IL1RAPL2: variants seen among roughly 807,000 people sequenced by gnomAD.
IL1RAPL2 encodes the protein X-linked interleukin-1 receptor accessory protein-like 2.
A neutral mutation model predicts 44.1 loss-of-function variants in IL1RAPL2; 3 were observed. The observed-to-expected ratio is 0.07, with a 90% confidence interval of 0.03 to 0.18. The LOEUF (loss-of-function observed/expected upper bound fraction) is 0.18, where lower values mean the gene tolerates loss of function less well. Ranked by LOEUF, IL1RAPL2 falls within the 10% of genes least tolerant of loss-of-function variation. The pLI is 1.00. For synonymous variants in IL1RAPL2, 181 were observed against 178.8 expected (o/e 1.01, Z -0.10); for missense variants, 391 against 496.4 (o/e 0.79, Z 2.02).
At position 105,115,524 on chromosome X, in the gene IL1RAPL2, C is replaced by T. The variant is rs193298327; in HGVS notation, c.83-79951C>T. 7.7e-3 allele frequency among the ~76,000 whole-genome samples: 859 copies of T among 111,811 alleles called. 9 individuals carry two copies. Among genetic ancestry groups the T allele is most frequent in the African/African-American group, 0.026 (814 of 30,758 alleles). Reference sequence around the variant, plus strand: ...ACTAGATTAGCTAGATACAGAGTGTCGATTGGTGTATTTACAAACCCTGAG... The same window carrying T: ...ACTAGATTAGCTAGATACAGAGTGTTGATTGGTGTATTTACAAACCCTGAG... On this transcript the variant is annotated intron_variant, in intron 2 of 10. Coordinates refer to ENST00000372582, the MANE Select transcript of IL1RAPL2 (RefSeq NM_017416.2).
chrX:104,575,656 A>C (rs1928231191), intron 1 of IL1RAPL2, among the ~76,000 whole-genome samples: 1 of 112,006 alleles, frequency 8.9e-6, no homozygotes, highest in Non-Finnish European at 1.9e-5. Flanking sequence ...CTATCGGTAC[A>C]GGGAATGGTC....
intron 2 of IL1RAPL2, among the ~76,000 whole-genome samples, chrX:105,145,376 C>T (rs781153259): frequency 8.9e-6 from 1 of 111,757 alleles, no homozygotes; most frequent in Non-Finnish European, 1.9e-5. Context: ...CCTACTTCTT[C>T]CTTCCCCTGT....
intron 5 of IL1RAPL2, among the ~76,000 whole-genome samples, chrX:105,467,837 T>C (rs946175035): frequency 6.3e-5 from 7 of 111,118 alleles, no homozygotes; most frequent in Non-Finnish European, 1.3e-4. Context: ...GAAAGAAAAA[T>C]ATAGAGCAAG....
intron 2 of IL1RAPL2, among the ~76,000 whole-genome samples, chrX:104,994,483 C>T (rs1285024367): frequency 9.0e-6 from 1 of 111,698 alleles, no homozygotes; most frequent in Non-Finnish European, 1.9e-5. Flanking sequence ...ACCCATTGAA[C>T]TATATACTTA....
chrX:105,030,691 C>A (rs1285495442), intron 2 of IL1RAPL2, among the ~76,000 whole-genome samples: 25 of 111,654 alleles, frequency 2.2e-4, no homozygotes, highest in Admixed American at 1.2e-3. Context: ...ATGCCTCCGG[C>A]TTTGTTCTTT....
intron 2 of IL1RAPL2, among the ~76,000 whole-genome samples, chrX:105,044,808 C>G (rs1454061941): frequency 9.0e-6 from 1 of 111,203 alleles, no homozygotes; most frequent in Non-Finnish European, 1.9e-5. Context: ...TACTCAGGCT[C>G]TAGGCTTAGG....
chrX:105,133,070 T>G (rs182817811), intron 2 of IL1RAPL2, among the ~76,000 whole-genome samples: 2 of 112,191 alleles, frequency 1.8e-5, no homozygotes, highest in African/African-American at 6.5e-5. Flanking sequence ...TTGTTTCTTT[T>G]ATAGCATCCA....
At chrX:104,841,084 A>T (rs1454954701) in intron 2 of IL1RAPL2, among the ~76,000 whole-genome samples, 1 of 111,502 alleles carries the variant, frequency 9.0e-6, no homozygotes, top group Non-Finnish European at 1.9e-5. Context: ...TATTGAGTGC[A>T]TATATATTTA....
At chrX:104,666,799 G>A (rs1169671413) in intron 2 of IL1RAPL2, among the ~76,000 whole-genome samples, 1 of 111,394 alleles carries the variant, frequency 9.0e-6, no homozygotes, top group African/African-American at 3.3e-5. Context: ...CACCCTTAAT[G>A]CCTACTGTAG....
chrX:104,900,009 A>G (rs1211476762), intron 2 of IL1RAPL2, among the ~76,000 whole-genome samples: 1 of 111,983 alleles, frequency 8.9e-6, no homozygotes, highest in Non-Finnish European at 1.9e-5. Flanking sequence ...AGATTTTACT[A>G]ACAGCCATAA....
At chrX:104,876,499 C>G (rs1257120088) in intron 2 of IL1RAPL2, among the ~76,000 whole-genome samples, 6 of 110,835 alleles carry the variant, frequency 5.4e-5, no homozygotes, top group African/African-American at 1.6e-4. Context: ...GACGTAGTTA[C>G]TAAAACCTAT....
chrX:105,387,081 T>C (rs928677918), intron 5 of IL1RAPL2, among the ~76,000 whole-genome samples: 4 of 111,667 alleles, frequency 3.6e-5, no homozygotes, highest in African/African-American at 1.3e-4. Context: ...GATATAATGT[T>C]TACTTAACAC....
At chrX:104,755,011 C>A (rs1207885291) in intron 2 of IL1RAPL2, among the ~76,000 whole-genome samples, 2 of 111,468 alleles carry the variant, frequency 1.8e-5, no homozygotes, top group Non-Finnish European at 3.8e-5. Flanking sequence ...GGTTAGGAAA[C>A]CAGGACACAA....
intron 1 of IL1RAPL2, among the ~76,000 whole-genome samples, chrX:104,575,631 C>T (rs1290175111): frequency 3.4e-4 from 38 of 111,924 alleles, no homozygotes; most frequent in Non-Finnish European, 5.6e-5. Flanking sequence ...TATAGATTTA[C>T]AGCTGCCAGT....
intron 2 of IL1RAPL2, among the ~76,000 whole-genome samples, chrX:105,027,831 A>G (rs943474311): frequency 1.8e-5 from 2 of 111,791 alleles, no homozygotes; most frequent in East Asian, 5.6e-4. Context: ...TGCTGGGCAC[A>G]TACCCAAAAG....
At chrX:105,688,029 T>G (rs905763259) in intron 6 of IL1RAPL2, among the ~76,000 whole-genome samples, 1 of 111,949 alleles carries the variant, frequency 8.9e-6, no homozygotes, top group African/African-American at 3.3e-5. Flanking sequence ...CAGCCCTTCA[T>G]GCTAAAAACT....
chrX:104,757,930 T>G (rs1267209054), intron 2 of IL1RAPL2, among the ~76,000 whole-genome samples: 6 of 112,156 alleles, frequency 5.3e-5, no homozygotes, highest in Admixed American at 9.4e-5. Flanking sequence ...AAAGGTTATT[T>G]GAATCAAATT....
At chrX:105,147,173 G>A (rs746016228) in intron 2 of IL1RAPL2, among the ~76,000 whole-genome samples, 29 of 111,419 alleles carry the variant, frequency 2.6e-4, no homozygotes, top group African/African-American at 4.9e-4. Flanking sequence ...AAACAACTCA[G>A]AGACATAGTT....
chrX:104,599,754 A>G (rs1928840503), intron 1 of IL1RAPL2, among the ~76,000 whole-genome samples: 1 of 110,522 alleles, frequency 9.0e-6, no homozygotes, highest in Non-Finnish European at 1.9e-5. Context: ...ATGAAAACCC[A>G]TTTATTCATC....
Sources: allele counts gnomAD v4.1 joint callset (sites outside exome capture counted in the v4.1 genomes callset), GRCh38; gene constraint gnomAD v4.1.1; transcripts MANE v1.5; gene names NCBI Gene and HGNC (gene_info 2026-07-23, HGNC 2026-07-21).